Variants in LEPROT observed in about 807,000 individuals in gnomAD.
The protein encoded by LEPROT is leptin receptor gene-related protein.
Under a neutral mutation model 15.4 loss-of-function variants are expected in LEPROT, and 3 were observed. The observed-to-expected ratio is 0.19, with a 90% CI of 0.09 to 0.50. The LOEUF (loss-of-function observed/expected upper bound fraction) is 0.50. Ranked by LOEUF, LEPROT falls within the 20% of genes least tolerant of loss-of-function variation. LEPROT has a pLI of 0.97. For missense variants in LEPROT, 137 were observed against 162.2 expected (o/e 0.84, Z 0.84); for synonymous variants, 59 against 57.5 (o/e 1.03, Z -0.12).
In LEPROT at chr1:65,425,360, G is replaced by A. The variant is rs1646340478; in HGVS notation, c.74G>A (p.Cys25Tyr). Reference protein sequence around the residue: ...AIGLTFLMLGCALEDYGVYWP... With the variant: ...AIGLTFLMLGYALEDYGVYWP... ...GGACTGACTTTTCTTATGCTGGGAT[G>A]TGCCTTAGAGGATTATGGGTAAGTT... The change falls in exon 2 of 4, where the codon TGT (cysteine) becomes TAT (tyrosine). Residue 25 changes from cysteine to tyrosine, a missense_variant. Physicochemically the swap from Cys to Tyr is radical, Grantham distance 194. Coordinates refer to ENST00000371065, the MANE Select transcript of LEPROT (RefSeq NM_017526.5). The A allele has an allele frequency of 6.2e-7, 1 of 1,605,084 alleles. No individual in the cohort carries two copies. The highest frequency in any genetic ancestry group is 1.3e-5 in the African/African-American group (1 of 74,188).
chr1:65,433,363 GT>G lies in LEPROT; in HGVS notation c.*1445del. On this transcript the variant is annotated 3_prime_UTR_variant, in exon 4 of 4. Transcript: ENST00000371065. ...ATGCCACCCTTAAATGAATCATTGG[GT>G]ATACCTGTCATGTTGGATCCTGTAA... is the stretch of plus-strand genomic sequence containing the variant. 11 of 985,378 alleles carry G rather than the reference GT, an allele frequency of 1.1e-5. No homozygotes were observed. Among genetic ancestry groups the G allele is most frequent in the Non-Finnish European group, 1.3e-5 (11 of 829,920 alleles). The allele number at this position is 985,378 out of a possible 1,614,324, so 61.0% of individuals were successfully genotyped here. A position where few individuals can be genotyped will look rare whatever the true frequency, so the allele number is the denominator to read the frequency against.
intron 2 of LEPROT, among the ~76,000 whole-genome samples, chr1:65,426,723 G>A (rs1459949395): frequency 2.0e-5 from 3 of 152,320 alleles, no homozygotes; most frequent in African/African-American, 7.2e-5. Flanking sequence ...ATTAGGCCAG[G>A]CACCATGGCT....
chr1:65,431,271 A>G (rs978303934), intron 3 of LEPROT, among the ~76,000 whole-genome samples: 2 of 152,230 alleles, frequency 1.3e-5, no homozygotes, highest in African/African-American at 4.8e-5. Context: ...TCTTGCTTAA[A>G]GTAAAACAAA....
chr1:65,420,804 C>T (rs1646230929), intron 1 of LEPROT, 64 bp downstream of exon 1: 3 of 1,543,256 alleles, frequency 1.9e-6, no homozygotes, highest in Middle Eastern at 1.7e-4. Flanking sequence ...CCGGTCAAGC[C>T]TGGGGCTGCG....
intron 2 of LEPROT, among the ~76,000 whole-genome samples, chr1:65,428,281 C>T (rs969124426): frequency 1.3e-5 from 2 of 151,916 alleles, no homozygotes; most frequent in Non-Finnish European, 2.9e-5. Context: ...TGAATGAAAA[C>T]ATAGAGTCAG....
At chr1:65,421,213 C>T (rs1373555039) in intron 1 of LEPROT, 2 of 1,109,110 alleles carry the variant, frequency 1.8e-6, no homozygotes, top group East Asian at 2.6e-5. Context: ...GAGTTGACCG[C>T]GGGCGGGTGT....
At chr1:65,424,907 A>G (rs1352609785) in intron 1 of LEPROT, among the ~76,000 whole-genome samples, 1 of 152,210 alleles carries the variant, frequency 6.6e-6, no homozygotes, top group Non-Finnish European at 1.5e-5. Flanking sequence ...TCTCACGGTG[A>G]GAGGGATGGA....
chr1:65,420,769 G>C (rs113211950), intron 1 of LEPROT, 29 bp downstream of exon 1: 102 of 1,571,002 alleles, frequency 6.5e-5, no homozygotes, highest in Non-Finnish European at 8.4e-5. Context: ...CTCGCTTGTC[G>C]TGTGGTGGGG....
chr1:65,433,494 G>A lies in LEPROT; in HGVS notation c.*1575G>A. The A allele has an allele frequency of 5.1e-6, 5 of 985,274 alleles. No homozygotes were observed. The highest frequency in any genetic ancestry group is 6.0e-6 in the Non-Finnish European group (5 of 829,806). The allele number at this position is 985,274 out of a possible 1,614,324, so 61.0% of individuals were successfully genotyped here. Reference sequence around the variant, plus strand: ...ATACAACCAATAGTCTTTAAGCATTGTTAAAGTATGAAACTGAAATACATT... The same window carrying A: ...ATACAACCAATAGTCTTTAAGCATTATTAAAGTATGAAACTGAAATACATT... On this transcript the variant is annotated 3_prime_UTR_variant, in exon 4 of 4. Coordinates refer to ENST00000371065, the MANE Select transcript of LEPROT (RefSeq NM_017526.5).
rs887959523 is a variant in LEPROT at position 65,433,380 on chromosome 1, G to A, written c.*1461G>A. On this transcript the variant is annotated 3_prime_UTR_variant, in exon 4 of 4. Coordinates refer to ENST00000371065, the MANE Select transcript of LEPROT (RefSeq NM_017526.5). ...ATCATTGGGTATACCTGTCATGTTG[G>A]ATCCTGTAATCACAGTTTTCCCTGC... The A allele has an allele frequency of 1.0e-6, 1 of 985,260 alleles. No individual in the cohort carries two copies. Among genetic ancestry groups the A allele is most frequent in the African/African-American group, 1.7e-5 (1 of 57,212 alleles). 61.0% of individuals were successfully genotyped at this position (985,260 alleles called of 1,614,324 possible).
chr1:65,422,517 G>A (rs1046219610), intron 1 of LEPROT, among the ~76,000 whole-genome samples: 2 of 152,212 alleles, frequency 1.3e-5, no homozygotes, highest in African/African-American at 4.8e-5. Flanking sequence ...CTTTGTAACG[G>A]CAGCCCTAGG....
chr1:65,431,781 T>C (rs1379022205), intron 3 of LEPROT, 22 bp from the exon 4 acceptor site: 1 of 1,606,908 alleles, frequency 6.2e-7, no homozygotes, highest in Admixed American at 1.7e-5. Flanking sequence ...AAGGATTTAA[T>C]CCTTCTTTTC....
Position 65,434,151 on chromosome 1 carries a change from T to G in LEPROT, c.*2232T>G. 1 of 984,338 alleles carries G rather than the reference T, an allele frequency of 1.0e-6. No individual in the cohort carries two copies. Among genetic ancestry groups the G allele is most frequent in the South Asian group, 4.7e-5 (1 of 21,256 alleles). 61.0% of individuals were successfully genotyped at this position (984,338 alleles called of 1,614,324 possible). On this transcript the variant is annotated 3_prime_UTR_variant, in exon 4 of 4. Coordinates refer to ENST00000371065, the MANE Select transcript of LEPROT (RefSeq NM_017526.5). ...GTACTTGCATATAGAGTATTTGAAG[T>G]GATAGATTATTAGATTTGCTCTATG...
At chr1:65,421,351 T>C (rs751143234) in intron 1 of LEPROT, 722 of 1,535,902 alleles carry the variant, frequency 4.7e-4, no homozygotes, top group Non-Finnish European at 5.9e-4. Flanking sequence ...GTGTGTGTAG[T>C]ATGTGTTTTT....
In LEPROT at chr1:65,433,850, G is replaced by A; in HGVS notation, c.*1931G>A. On this transcript the variant is annotated 3_prime_UTR_variant, in exon 4 of 4. Coordinates refer to ENST00000371065, the MANE Select transcript of LEPROT (RefSeq NM_017526.5). ...TTTGTGATGTTGCCTTGCCTGAAAA[G>A]ATAACAAAAATGAGAGAATTTCTTG... 1 of 985,146 alleles carries A rather than the reference G, an allele frequency of 1.0e-6. No individual in the cohort carries two copies. The highest frequency in any genetic ancestry group is 1.2e-6 in the Non-Finnish European group (1 of 829,792). 61.0% of individuals were successfully genotyped at this position (985,146 alleles called of 1,614,324 possible). A position where few individuals can be genotyped will look rare whatever the true frequency, so the allele number is the denominator to read the frequency against.
intron 1 of LEPROT, among the ~76,000 whole-genome samples, chr1:65,424,349 T>C (rs1255802246): frequency 6.6e-6 from 1 of 152,232 alleles, no homozygotes; most frequent in Non-Finnish European, 1.5e-5. Context: ...GAGGCAGTTC[T>C]GGATATAATT....
chr1:65,432,316 T>G lies in LEPROT; in HGVS notation c.*397T>G. On this transcript the variant is annotated 3_prime_UTR_variant, in exon 4 of 4. Transcript: ENST00000371065. ...GAAGGCCGGGGTGGATCCCTCTTTG[T>G]GTTGTAGTCCATGCTATTAAAAGTG... The G allele has an allele frequency of 1.0e-6, 1 of 991,198 alleles. No homozygotes were observed. The highest frequency in any genetic ancestry group is 1.2e-6 in the Non-Finnish European group (1 of 833,754). 61.4% of individuals were successfully genotyped at this position (991,198 alleles called of 1,614,324 possible). A position where few individuals can be genotyped will look rare whatever the true frequency, so the allele number is the denominator to read the frequency against.
In LEPROT at chr1:65,432,566, TA is replaced by T. The variant is rs36067009; in HGVS notation, c.*662del. ...TCTGGGTGTTACCTGCTCATTTGTT[TA>T]AAAAAAAAAAAAAAGTCTCACCTGC... On this transcript the variant is annotated 3_prime_UTR_variant, in exon 4 of 4. Coordinates refer to ENST00000371065, the MANE Select transcript of LEPROT (RefSeq NM_017526.5). The T allele has an allele frequency of 0.077, 65,558 of 854,452 alleles. 86 individuals carry two copies. Among genetic ancestry groups the T allele is most frequent in the South Asian group, 0.14 (2,716 of 18,756 alleles). 52.9% of individuals were successfully genotyped at this position (854,452 alleles called of 1,614,324 possible). A position where few individuals can be genotyped will look rare whatever the true frequency, so the allele number is the denominator to read the frequency against.
At chr1:65,428,659 C>T (rs3790433) in intron 2 of LEPROT, among the ~76,000 whole-genome samples, 59,082 of 151,794 alleles carry the variant, frequency 0.39, 14,616 homozygotes, top group African/African-American at 0.71. Context: ...GCTGTCTGGG[C>T]GTATCTGTGT....
Sources: allele counts gnomAD v4.1 joint callset (sites outside exome capture counted in the v4.1 genomes callset), GRCh38; gene constraint gnomAD v4.1.1; transcripts MANE v1.5; gene names NCBI Gene and HGNC (gene_info 2026-07-23, HGNC 2026-07-21).